Variants in MTMR9 observed in about 807,000 individuals in gnomAD.
MTMR9 encodes myotubularin related protein 9, also known as myotubularin-related protein 9.
Under a neutral mutation model 69.5 loss-of-function variants are expected in MTMR9, and 39 were observed. The ratio of observed to expected loss-of-function variants is 0.56; its 90% CI spans 0.43 to 0.73. The LOEUF is 0.73. Among genes scored for constraint, MTMR9 ranks in the 30% least tolerant of loss-of-function variants. The pLI is 0.00. For missense variants in MTMR9, 900 were observed against 671.2 expected, an observed-to-expected ratio of 1.34 and a Z score of -3.77; for synonymous variants, 354 against 240.8, an observed-to-expected ratio of 1.47 and a Z score of -4.35.
At chr8:11,303,458 G>A (rs887768164) in intron 3 of MTMR9, among the ~76,000 whole-genome samples, 1 of 152,008 alleles carries the variant, frequency 6.6e-6, no homozygotes, top group Non-Finnish European at 1.5e-5. Context: ...AGCAAATTGG[G>A]ATGGGCTAGC....
chr8:11,286,165 G>C (rs1392716698), intron 1 of MTMR9, among the ~76,000 whole-genome samples: 1 of 151,454 alleles, frequency 6.6e-6, no homozygotes, highest in Non-Finnish European at 1.5e-5. Flanking sequence ...TATTGACCAG[G>C]CTGGTCTTGA....
downstream of MTMR9, among the ~76,000 whole-genome samples, chr8:11,329,965 C>T (rs551757510): frequency 1.0e-2 from 1,516 of 151,672 alleles, 14 homozygotes; most frequent in African/African-American, 0.023. Flanking sequence ...TCTGCCCGGC[C>T]GCCCTGTCTG....
At chr8:11,309,028 GCA>G (rs912050089) in intron 5 of MTMR9, among the ~76,000 whole-genome samples, 3 of 152,094 alleles carry the variant, frequency 2.0e-5, no homozygotes, top group African/African-American at 7.2e-5. Context: ...ACCTATTTTC[GCA>G]CAGTTTCCTC....
At chr8:11,330,564 C>A (rs1371341851), downstream of MTMR9, among the ~76,000 whole-genome samples, 1 of 152,216 alleles carries the variant, frequency 6.6e-6, no homozygotes, top group Non-Finnish European at 1.5e-5. Context: ...TCATTTTGTT[C>A]TGTACTGGGA....
rs1390264104 is a variant in MTMR9 at position 11,323,914 on chromosome 8, A to C, written c.*1126A>C. ...GCTCTGTGTTTTAAACCTCAGAAAC[A>C]GATTTGAGTGTTTCAGTATTATAGA... On this transcript the variant is annotated 3_prime_UTR_variant, in exon 10 of 10. Coordinates refer to ENST00000221086, the MANE Select transcript of MTMR9 (RefSeq NM_015458.4). 1.3e-5 allele frequency: 2 copies of C among 152,228 alleles called. No homozygotes were observed. The highest frequency in any genetic ancestry group is 2.9e-5 in the Non-Finnish European group (2 of 68,054). 9.4% of individuals were successfully genotyped at this position (152,228 alleles called of 1,614,324 possible). A position where few individuals can be genotyped will look rare whatever the true frequency, so the allele number is the denominator to read the frequency against.
At chr8:11,332,978 G>A (rs1394814161), downstream of MTMR9, among the ~76,000 whole-genome samples, 13 of 152,132 alleles carry the variant, frequency 8.5e-5, no homozygotes, top group Non-Finnish European at 2.9e-5. Flanking sequence ...CCACTCTGAG[G>A]AGCATAAAGA....
the MTMR9 span, among the ~76,000 whole-genome samples, chr8:11,333,304 A>T: frequency 6.6e-6 from 1 of 152,362 alleles, no homozygotes; most frequent in African/African-American, 2.4e-5. Flanking sequence ...TTATCAACTA[A>T]TTTTTAATTA....
At chr8:11,287,430 C>T (rs760206568) in intron 1 of MTMR9, among the ~76,000 whole-genome samples, 3 of 151,934 alleles carry the variant, frequency 2.0e-5, no homozygotes, top group Admixed American at 6.6e-5. Flanking sequence ...GAGAGAATGA[C>T]GAACTGTACA....
intron 1 of MTMR9, among the ~76,000 whole-genome samples, chr8:11,287,543 A>C (rs1799206733): frequency 1.3e-5 from 2 of 151,494 alleles, no homozygotes. Flanking sequence ...AAATCTTTAC[A>C]TCCACCTGTT....
At chr8:11,337,740 C>T in the MTMR9 span, among the ~76,000 whole-genome samples, 9 of 152,164 alleles carry the variant, frequency 5.9e-5, no homozygotes, top group African/African-American at 2.2e-4. Flanking sequence ...ACACATTTGC[C>T]ATATCTCTCA....
At chr8:11,312,331 T>G (rs1322076890) in intron 6 of MTMR9, among the ~76,000 whole-genome samples, 1 of 152,104 alleles carries the variant, frequency 6.6e-6, no homozygotes, top group African/African-American at 2.4e-5. Context: ...ATTACAGGTC[T>G]GACCCACTGC....
chr8:11,307,760 T>C (rs1585123226), intron 5 of MTMR9, among the ~76,000 whole-genome samples: 1 of 152,242 alleles, frequency 6.6e-6, no homozygotes, highest in Non-Finnish European at 1.5e-5. Flanking sequence ...TGAGGTGATA[T>C]CTCATTGTGG....
At chr8:11,316,971 A>T in intron 8 of MTMR9, 78 bp downstream of exon 8, 2 of 913,662 alleles carry the variant, frequency 2.2e-6, no homozygotes, top group South Asian at 3.6e-5. Flanking sequence ...ATCTCCTAGG[A>T]GACGACGATT....
At chr8:11,308,318 G>A (rs1046658729) in intron 5 of MTMR9, among the ~76,000 whole-genome samples, 3 of 152,054 alleles carry the variant, frequency 2.0e-5, no homozygotes, top group African/African-American at 7.2e-5. Context: ...TATGTTCTCG[G>A]CAACTTTTTC....
rs140301633 is a variant in MTMR9, at chr8:11,306,225, A to T, written c.627A>T (p.Thr209=). 6 of 1,613,392 alleles carry T rather than the reference A, an allele frequency of 3.7e-6. No individual in the cohort carries two copies. In the African/African-American group the frequency reaches 6.7e-5, roughly 18 times the overall value. The change falls in exon 5 of 10, where the codon ACA becomes ACT. Residue 209 remains threonine, a synonymous_variant. Coordinates refer to ENST00000221086, the MANE Select transcript of MTMR9 (RefSeq NM_015458.4). ...IMRSGQPLTG[T]NGRRCKEDEK... is the part of the protein sequence containing the mutation. The stretch of plus-strand genomic sequence containing the variant: ...GAAGTGGTCAGCCACTCACTGGTAC[A>T]AACGGGAGGAGGTGCAAGGAGGACG...
chr8:11,319,937 A>T, intron 9 of MTMR9, 99 bp downstream of exon 9: 1 of 1,295,578 alleles, frequency 7.7e-7, no homozygotes, highest in Non-Finnish European at 1.1e-6. Flanking sequence ...GGTGAGCTGG[A>T]CGTGGCCCTC....
chr8:11,305,039 A>C (rs752809665), intron 4 of MTMR9, 25 bp downstream of exon 4: 1 of 1,605,534 alleles, frequency 6.2e-7, no homozygotes, highest in Non-Finnish European at 8.5e-7. Flanking sequence ...CTACTGCTTG[A>C]TGTACTGAAA....
In MTMR9 at chr8:11,315,076, T is replaced by G. The variant is rs1462931302; in HGVS notation, c.1113+12T>G. On this transcript the variant is annotated intron_variant, in intron 7 of 9. Transcript: ENST00000221086. ...GAGAGTGGCTGCAGGTGAGAAGAGC[T>G]GTTTGATTCACAGAGGAACTGCTTA... 1.9e-6 allele frequency: 3 copies of G among 1,609,980 alleles called. No individual in the cohort carries two copies. The highest frequency in any genetic ancestry group is 2.5e-6 in the Non-Finnish European group (3 of 1,176,668).
intron 3 of MTMR9, chr8:11,300,872 A>G (rs1337914001): frequency 6.6e-6 from 1 of 152,226 alleles, no homozygotes; most frequent in Non-Finnish European, 1.5e-5. Flanking sequence ...GGAAGACAAT[A>G]TTGTTCAGGT....
Sources: allele counts gnomAD v4.1 joint callset (sites outside exome capture counted in the v4.1 genomes callset), GRCh38; gene constraint gnomAD v4.1.1; transcripts MANE v1.5; gene names NCBI Gene and HGNC (gene_info 2026-07-23, HGNC 2026-07-21).